Variants in CIMAP3 observed in about 807,000 individuals in gnomAD.
CIMAP3 encodes ciliary microtubule-associated protein 3.
At chr1:111,333,680 G>A in the CIMAP3 span, among the ~76,000 whole-genome samples, 5 of 152,162 alleles carry the variant, frequency 3.3e-5, no homozygotes, top group Middle Eastern at 3.2e-3. Flanking sequence ...GCAGAGGAAA[G>A]GTGTCTCCAT....
chr1:111,330,840 T>G, the CIMAP3 span, among the ~76,000 whole-genome samples: 29 of 152,232 alleles, frequency 1.9e-4, no homozygotes, highest in Admixed American at 4.6e-4. Flanking sequence ...ATGGAGGGTC[T>G]GTGCTGTGGG....
At chr1:111,346,466 A>C in the CIMAP3 span, 1 of 746,650 alleles carries the variant, frequency 1.3e-6, no homozygotes, top group Non-Finnish European at 2.1e-6. Context: ...TGAGTTTACA[A>C]TCCCCTGGGC....
the CIMAP3 span, among the ~76,000 whole-genome samples, chr1:111,331,742 G>T: frequency 6.6e-6 from 1 of 151,224 alleles, no homozygotes; most frequent in Admixed American, 6.6e-5. Context: ...TTTTTTTTTG[G>T]TGTGGGGTGG....
chr1:111,329,553 ATATAT>A, the CIMAP3 span, among the ~76,000 whole-genome samples: 4 of 65,822 alleles, frequency 6.1e-5, no homozygotes, highest in African/African-American at 2.5e-4. Flanking sequence ...ATATATATAT[ATATAT>A]AATTTTTTTT....
chr1:111,330,204 G>A, the CIMAP3 span, among the ~76,000 whole-genome samples: 1 of 152,158 alleles, frequency 6.6e-6, no homozygotes, highest in Non-Finnish European at 1.5e-5. Context: ...AGTTCAGCCT[G>A]GTTAAAAACT....
chr1:111,346,849 G>C, the CIMAP3 span: 1 of 1,595,514 alleles, frequency 6.3e-7, no homozygotes, highest in Non-Finnish European at 8.6e-7. Context: ...TCCCCTCCCG[G>C]AACGCGCTCA....
the CIMAP3 span, chr1:111,347,692 G>A: frequency 6.2e-7 from 1 of 1,607,006 alleles, no homozygotes; most frequent in Non-Finnish European, 8.5e-7. Context: ...CTTGGCATAC[G>A]ACTTATCTAA....
the CIMAP3 span, chr1:111,346,684 G>C: frequency 6.2e-7 from 1 of 1,612,922 alleles, no homozygotes; most frequent in Non-Finnish European, 8.5e-7. Flanking sequence ...GAGGAGGGCT[G>C]CCGAGAAGCC....
At chr1:111,352,731 T>G in the CIMAP3 span, 1 of 152,230 alleles carries the variant, frequency 6.6e-6, no homozygotes, top group African/African-American at 2.4e-5. Context: ...TACCCACATG[T>G]GCAGATTTTT....
the CIMAP3 span, among the ~76,000 whole-genome samples, chr1:111,344,788 C>G: frequency 2.6e-5 from 4 of 152,262 alleles, no homozygotes; most frequent in African/African-American, 7.2e-5. Context: ...TAAAAATCAT[C>G]AAATCCATAC....
At chr1:111,336,164 C>T in the CIMAP3 span, among the ~76,000 whole-genome samples, 1 of 152,180 alleles carries the variant, frequency 6.6e-6, no homozygotes, top group Non-Finnish European at 1.5e-5. Flanking sequence ...GGAAAACTAA[C>T]AAACAGAAAG....
At chr1:111,348,548 A>C in the CIMAP3 span, 100,790 of 1,608,228 alleles carry the variant, frequency 0.063, 3,854 homozygotes, top group Non-Finnish European at 0.073. Flanking sequence ...GGTACCAGAA[A>C]GTAAGTCCTC....
At chr1:111,338,308 C>T in the CIMAP3 span, among the ~76,000 whole-genome samples, 10 of 151,836 alleles carry the variant, frequency 6.6e-5, no homozygotes, top group African/African-American at 2.2e-4. Flanking sequence ...AGAGCAAACA[C>T]ATTCAAAAGC....
chr1:111,347,619 T>TC, the CIMAP3 span: 1 of 1,041,358 alleles, frequency 9.6e-7, no homozygotes, highest in Non-Finnish European at 1.4e-6. Context: ...TTGTTTTTTC[T>TC]TTCTTTTTTT....
chr1:111,328,367 T>C, the CIMAP3 span, among the ~76,000 whole-genome samples: 3 of 152,186 alleles, frequency 2.0e-5, no homozygotes, highest in East Asian at 5.8e-4. Flanking sequence ...ATCAGATCCA[T>C]TGGGTCCAAT....
At chr1:111,349,739 C>A in the CIMAP3 span, 1 of 165,996 alleles carries the variant, frequency 6.0e-6, no homozygotes, top group Non-Finnish European at 1.3e-5. Flanking sequence ...TATCACTGCA[C>A]TTTTATCACC....
the CIMAP3 span, among the ~76,000 whole-genome samples, chr1:111,332,930 G>T: frequency 4.6e-5 from 7 of 152,198 alleles, no homozygotes; most frequent in Admixed American, 1.3e-4. Flanking sequence ...AGAGGCGTTT[G>T]TACCAGGTGC....
At chr1:111,338,341 A>G in the CIMAP3 span, among the ~76,000 whole-genome samples, 1 of 151,860 alleles carries the variant, frequency 6.6e-6, no homozygotes, top group Admixed American at 6.5e-5. Context: ...AGAAATAACT[A>G]AAATCAGAGC....
chr1:111,334,136 C>G, the CIMAP3 span, among the ~76,000 whole-genome samples: 1 of 152,186 alleles, frequency 6.6e-6, no homozygotes, highest in Non-Finnish European at 1.5e-5. Flanking sequence ...GTAATCCTTT[C>G]TTGCATCGGT....
Sources: gnomAD v4.1 joint callset for allele counts (sites outside exome capture counted in the v4.1 genomes callset) on GRCh38, gnomAD v4.1.1 for gene constraint, MANE v1.5 for transcripts, NCBI Gene and HGNC (gene_info 2026-07-23, HGNC 2026-07-21) for gene names.